SEC31A: variants seen among roughly 807,000 people sequenced by gnomAD.
SEC31A encodes the protein protein transport protein Sec31A.
SEC31A carries 70 observed loss-of-function variants against 151.0 expected under a neutral mutation model. That is an observed-to-expected ratio of 0.46 (90% confidence interval 0.38 to 0.57). The LOEUF (loss-of-function observed/expected upper bound fraction) is 0.57. Ranked by LOEUF, SEC31A falls within the 20% of genes least tolerant of loss-of-function variation. The probability of loss-of-function intolerance (pLI) is 0.00; values close to 1 mark genes in which losing one functional copy is unlikely to be tolerated. For missense variants in SEC31A, 1,330 were observed against 1,471.2 expected (o/e 0.90, Z 1.57); for synonymous variants, 475 against 505.9 (o/e 0.94, Z 0.82).
intron 1 of SEC31A, among the ~76,000 whole-genome samples, chr4:82,888,520 T>A (rs1271167816): frequency 6.6e-6 from 1 of 151,876 alleles, no homozygotes; most frequent in African/African-American, 2.4e-5. Context: ...TGAAACCCTG[T>A]CTCTACTAAA....
intron 1 of SEC31A, 57 bp downstream of exon 1, chr4:82,891,031 C>T (rs894494419): frequency 2.6e-6 from 4 of 1,534,480 alleles, no homozygotes; most frequent in Admixed American, 2.0e-5. Flanking sequence ...TTGGCCTGGG[C>T]TCTACCTCAA....
At chr4:82,827,304 A>AC in intron 24 of SEC31A, 65 bp downstream of exon 24, 1 of 1,506,366 alleles carries the variant, frequency 6.6e-7, no homozygotes, top group Non-Finnish European at 9.0e-7. Flanking sequence ...AAAAGTTAGC[A>AC]CATTAAAGAA....
intron 20 of SEC31A, among the ~76,000 whole-genome samples, chr4:82,845,795 A>T (rs944891102): frequency 6.6e-6 from 1 of 152,142 alleles, no homozygotes; most frequent in Non-Finnish European, 1.5e-5. Context: ...TATGAAGCTT[A>T]AAACTCATAC....
intron 11 of SEC31A, 48 bp downstream of exon 11, chr4:82,864,314 T>C: frequency 7.8e-7 from 1 of 1,284,254 alleles, no homozygotes. Context: ...AAAGGAACAG[T>C]TAAATTTGCA....
At chr4:82,837,163 A>ATC (rs1727514841) in intron 22 of SEC31A, among the ~76,000 whole-genome samples, 1 of 35,972 alleles carries the variant, frequency 2.8e-5, no homozygotes, top group Non-Finnish European at 9.1e-5. Context: ...TTTATCATAT[A>ATC]TATATATATA....
chr4:82,888,098 G>A (rs1418632046), intron 1 of SEC31A, among the ~76,000 whole-genome samples: 5 of 151,622 alleles, frequency 3.3e-5, no homozygotes, highest in Admixed American at 1.3e-4. Context: ...CTATTAGCCA[G>A]GCGCAGTGGC....
chr4:82,890,225 A>G (rs937542338), intron 1 of SEC31A, among the ~76,000 whole-genome samples: 5 of 137,402 alleles, frequency 3.6e-5, no homozygotes, highest in Non-Finnish European at 6.3e-5. Flanking sequence ...AAAAAAAAAA[A>G]GGAGAGTAAG....
chr4:82,866,994 C>T (rs910117849), intron 9 of SEC31A, 34 bp from the exon 10 acceptor site: 24 of 1,591,388 alleles, frequency 1.5e-5, no homozygotes, highest in Non-Finnish European at 2.0e-5. Context: ...AGCATCCGAC[C>T]ATACACAAAG....
intron 25 of SEC31A, among the ~76,000 whole-genome samples, chr4:82,821,610 A>G (rs925239165): frequency 1.3e-5 from 2 of 151,308 alleles, no homozygotes; most frequent in East Asian, 1.9e-4. Context: ...TCAATCATCT[A>G]TCAAGGGTGG....
intron 22 of SEC31A, among the ~76,000 whole-genome samples, chr4:82,836,769 T>C (rs933225477): frequency 6.6e-6 from 1 of 152,054 alleles, no homozygotes; most frequent in Non-Finnish European, 1.5e-5. Flanking sequence ...ATGAAAAAAT[T>C]CTGCAGGGAT....
At chr4:82,840,727 T>C (rs921024555) in intron 22 of SEC31A, among the ~76,000 whole-genome samples, 1 of 152,202 alleles carries the variant, frequency 6.6e-6, no homozygotes, top group African/African-American at 2.4e-5. Flanking sequence ...CTGTACATCA[T>C]GTTACTGTAC....
chr4:82,842,543 A>C, intron 21 of SEC31A, 62 bp from the exon 22 acceptor site: 1 of 1,271,032 alleles, frequency 7.9e-7, no homozygotes. Flanking sequence ...ATAGTAGCAG[A>C]AAACTAAAAA....
chr4:82,824,393 C>T (rs539123131), intron 25 of SEC31A, among the ~76,000 whole-genome samples, 162 bp downstream of exon 25: 119 of 152,052 alleles, frequency 7.8e-4, no homozygotes, highest in African/African-American at 2.6e-3. Flanking sequence ...GTAGTAGAGA[C>T]GGGGTTTTGC....
chr4:82,827,525 T>C lies in SEC31A; in HGVS notation c.3135A>G (p.Pro1045=), dbSNP rs111366893. 2 of 1,614,098 alleles carry C rather than the reference T, an allele frequency of 1.2e-6. No homozygotes were observed. Among genetic ancestry groups the C allele is most frequent in the Non-Finnish European group, 1.7e-6 (2 of 1,180,022 alleles). Residue 1045 remains proline (P), a synonymous_variant, in exon 24 of 27, where the codon CCA becomes CCG. Coordinates refer to ENST00000395310, the MANE Select transcript of SEC31A (RefSeq NM_001077207.4). ...GTGGGAATGAAGACTGGCTTGACAG[T>C]GGTACTGGAGCTGAAGGCTGTTGCT... The part of the protein sequence containing the change: ...MLQQQPSAPV[P]LSSQSSFPQP...
At chr4:82,844,285 C>A in intron 21 of SEC31A, 101 bp downstream of exon 21, 5 of 1,292,524 alleles carry the variant, frequency 3.9e-6, no homozygotes, top group Non-Finnish European at 5.4e-6. Flanking sequence ...CACAATGGTT[C>A]TTACTTATTG....
chr4:82,878,715 T>C lies in SEC31A; in HGVS notation c.402+15A>G, dbSNP rs766818867. 5 of 1,601,094 alleles carry C rather than the reference T, an allele frequency of 3.1e-6. No homozygotes were observed. The highest frequency in any genetic ancestry group is 4.3e-6 in the Non-Finnish European group (5 of 1,168,566). On this transcript the variant is annotated intron_variant, in intron 4 of 26. Transcript: ENST00000395310. ...AGCACATAGTCTAAGAATTATGAAATGTTAAAGTCTTAACCTGGAAAATGT... is the reference window on the plus strand; with the variant it reads ...AGCACATAGTCTAAGAATTATGAAACGTTAAAGTCTTAACCTGGAAAATGT...
chr4:82,878,888 TGGAATCCATTTTATAA>T lies in SEC31A; in HGVS notation c.228_243del (p.Tyr77LysfsTer8). 1 of 1,614,014 alleles carries T rather than the reference TGGAATCCATTTTATAA, an allele frequency of 6.2e-7. No individual in the cohort carries two copies. Among genetic ancestry groups the T allele is most frequent in the Non-Finnish European group, 8.5e-7 (1 of 1,179,890 alleles). Reference sequence around the variant, plus strand: ...ATCAGAACTCCAGAGACATCTCCTTTGGAATCCATTTTATAAGGCCCCCAAATCAACTTGTGGTACC... The same window carrying T: ...ATCAGAACTCCAGAGACATCTCCTTTGGCCCCCAAATCAACTTGTGGTACC... On this transcript the variant is annotated frameshift_variant, in exon 4 of 27. Coordinates refer to ENST00000395310, the MANE Select transcript of SEC31A (RefSeq NM_001077207.4). LOFTEE classifies it high-confidence loss of function.
At chr4:82,845,075 A>G in intron 20 of SEC31A, 1 of 606,148 alleles carries the variant, frequency 1.6e-6, no homozygotes, top group Non-Finnish European at 2.8e-6. Flanking sequence ...AAGCATTAAA[A>G]TGCAATGAGC....
At chr4:82,900,478 T>C (rs1720271451) in exon 1 of SEC31A, 3 of 340,884 alleles carry the variant, frequency 8.8e-6, no homozygotes, top group Non-Finnish European at 1.6e-5. Flanking sequence ...CGCCAGATTG[T>C]GCCAGAATGG....
Sources: allele counts gnomAD v4.1 joint callset (sites outside exome capture counted in the v4.1 genomes callset), GRCh38; gene constraint gnomAD v4.1.1; transcripts MANE v1.5; gene names NCBI Gene and HGNC (gene_info 2026-07-23, HGNC 2026-07-21).